The following PAK5 variants were observed in gnomAD, a reference collection of about 807,000 sequenced individuals.
PAK5 encodes serine/threonine-protein kinase PAK 5.
Under a neutral mutation model 65.9 loss-of-function variants are expected in PAK5, and 16 were observed. The ratio of observed to expected loss-of-function variants is 0.24; its 90% confidence interval spans 0.16 to 0.37. The LOEUF is 0.37. Among genes scored for constraint, PAK5 ranks in the 10% least tolerant of loss-of-function variants. The pLI is 1.00. For missense variants in PAK5, 785 were observed against 903.9 expected (o/e 0.87, Z 1.69); for synonymous variants, 371 against 354.9 (o/e 1.05, Z -0.51).
chr20:9,801,666 T>A (rs2049170725), intron 1 of PAK5, among the ~76,000 whole-genome samples: 1 of 152,026 alleles, frequency 6.6e-6, no homozygotes, highest in African/African-American at 2.4e-5. Context: ...TCTATCTCCA[T>A]CTCCATCATG....
At chr20:9,704,784 C>A (rs2047985000) in intron 2 of PAK5, among the ~76,000 whole-genome samples, 1 of 152,162 alleles carries the variant, frequency 6.6e-6, no homozygotes, top group African/African-American at 2.4e-5. Context: ...GTGACCACTG[C>A]ATTACCATGA....
chr20:9,723,937 A>G (rs2048246162), intron 1 of PAK5, among the ~76,000 whole-genome samples: 1 of 152,218 alleles, frequency 6.6e-6, no homozygotes, highest in Non-Finnish European at 1.5e-5. Flanking sequence ...TTTCATGGCA[A>G]TAGAGACCTG....
chr20:9,624,340 C>A (rs1376152459), intron 3 of PAK5, among the ~76,000 whole-genome samples: 12 of 152,100 alleles, frequency 7.9e-5, no homozygotes, highest in East Asian at 1.9e-4. Context: ...CAAGCACTGA[C>A]ATCATGCCTA....
At chr20:9,716,922 GA>G (rs1361927139) in intron 1 of PAK5, among the ~76,000 whole-genome samples, 1 of 151,982 alleles carries the variant, frequency 6.6e-6, no homozygotes, top group East Asian at 1.9e-4. Context: ...CGTCTCCACA[GA>G]AAAATACAAA....
intron 7 of PAK5, among the ~76,000 whole-genome samples, chr20:9,549,558 A>C (rs1159008151): frequency 6.6e-6 from 1 of 152,164 alleles, no homozygotes; most frequent in Non-Finnish European, 1.5e-5. Context: ...ACAGGTGTAG[A>C]CATGCTGGTA....
At chr20:9,778,639 C>T (rs186263105) in intron 1 of PAK5, among the ~76,000 whole-genome samples, 1 of 152,274 alleles carries the variant, frequency 6.6e-6, no homozygotes, top group African/African-American at 2.4e-5. Flanking sequence ...AGTTCACCCT[C>T]TCCATAGTAA....
chr20:9,837,722 C>T (rs1979259275), intron 1 of PAK5, among the ~76,000 whole-genome samples: 2 of 152,174 alleles, frequency 1.3e-5, no homozygotes, highest in African/African-American at 2.4e-5. Flanking sequence ...TTACCTAAGA[C>T]CCTGTGGCTA....
intron 2 of PAK5, among the ~76,000 whole-genome samples, chr20:9,653,945 A>G: frequency 7.2e-6 from 1 of 138,310 alleles, no homozygotes; most frequent in East Asian, 2.2e-4. Context: ...CTTTCTTTTT[A>G]TTTTTCTTTT....
intron 2 of PAK5, among the ~76,000 whole-genome samples, chr20:9,655,020 C>G (rs912327692): frequency 2.6e-5 from 4 of 152,232 alleles, no homozygotes; most frequent in South Asian, 2.1e-4. Flanking sequence ...TCTACCCTGT[C>G]CACGCCACCA....
chr20:9,557,807 C>T, intron 6 of PAK5, 73 bp from the exon 7 acceptor site: 1 of 1,283,510 alleles, frequency 7.8e-7, no homozygotes, highest in South Asian at 1.3e-5. Context: ...AGAGGCAGCT[C>T]CCTTGTGCTT....
At chr20:9,702,827 C>T (rs746630782) in intron 2 of PAK5, among the ~76,000 whole-genome samples, 2 of 152,176 alleles carry the variant, frequency 1.3e-5, no homozygotes, top group Non-Finnish European at 2.9e-5. Context: ...ACACTAAGCA[C>T]TGCTACTTAG....
At chr20:9,622,181 A>G (rs980497382) in intron 3 of PAK5, among the ~76,000 whole-genome samples, 1 of 143,220 alleles carries the variant, frequency 7.0e-6, no homozygotes, top group Non-Finnish European at 1.5e-5. Context: ...AAAGCAAAAC[A>G]TGATCATATA....
chr20:9,654,880 T>C (rs1391438616), intron 2 of PAK5, among the ~76,000 whole-genome samples: 1 of 152,210 alleles, frequency 6.6e-6, no homozygotes, highest in Non-Finnish European at 1.5e-5. Flanking sequence ...TGGTCTCAGA[T>C]CAAATGGAAC....
chr20:9,647,046 C>T (rs781381209), intron 2 of PAK5, among the ~76,000 whole-genome samples: 4 of 152,222 alleles, frequency 2.6e-5, no homozygotes, highest in Non-Finnish European at 5.9e-5. Flanking sequence ...GCTAACATAA[C>T]AAAAACCCTG....
At chr20:9,733,387 CTCTTTCTTTCTTTCTT>C (rs138872634) in intron 1 of PAK5, among the ~76,000 whole-genome samples, 5 of 150,558 alleles carry the variant, frequency 3.3e-5, no homozygotes, top group Admixed American at 6.6e-5. Context: ...TTACCAATCT[CTCTTTCTTTCTTTCTT>C]TCTTTCTTTC....
chr20:9,597,898 G>A (rs6140976), intron 3 of PAK5, among the ~76,000 whole-genome samples: 1 of 152,184 alleles, frequency 6.6e-6, no homozygotes, highest in Non-Finnish European at 1.5e-5. Context: ...AGAACCATGG[G>A]TCAAGCACAG....
At chr20:9,742,178 A>G (rs145645372) in intron 1 of PAK5, among the ~76,000 whole-genome samples, 1 of 152,148 alleles carries the variant, frequency 6.6e-6, no homozygotes, top group East Asian at 1.9e-4. Context: ...CCCCACCCCA[A>G]TGTTACTGTG....
At chr20:9,641,794 T>C (rs1169921402) in intron 3 of PAK5, among the ~76,000 whole-genome samples, 1 of 152,182 alleles carries the variant, frequency 6.6e-6, no homozygotes, top group East Asian at 1.9e-4. Context: ...CCGGCACTGC[T>C]GGGGGACTCA....
At chr20:9,682,335 C>T (rs539908896) in intron 2 of PAK5, among the ~76,000 whole-genome samples, 2 of 151,538 alleles carry the variant, frequency 1.3e-5, no homozygotes, top group South Asian at 2.1e-4. Context: ...CCAGCCTGGG[C>T]AACAGAGCAA....
Sources: allele counts gnomAD v4.1 joint callset (sites outside exome capture counted in the v4.1 genomes callset), GRCh38; gene constraint gnomAD v4.1.1; transcripts MANE v1.5; gene names NCBI Gene and HGNC (gene_info 2026-07-23, HGNC 2026-07-21).